Variants in TIAM2 observed in about 807,000 individuals in gnomAD.
The protein encoded by TIAM2 is rho guanine nucleotide exchange factor TIAM2.
TIAM2 carries 80 observed loss-of-function variants against 152.9 expected under a neutral mutation model. The observed-to-expected ratio is 0.52, with a 90% CI of 0.44 to 0.63. TIAM2 has a LOEUF of 0.63. Among genes scored for constraint, TIAM2 ranks in the 30% least tolerant of loss-of-function variants. The pLI is 0.00. For missense variants in TIAM2, 1,965 were observed against 2,120.1 expected (o/e 0.93, Z 1.44); for synonymous variants, 804 against 838.0 (o/e 0.96, Z 0.70).
At chr6:155,241,831 A>G (rs1409872014) in intron 16 of TIAM2, among the ~76,000 whole-genome samples, 1 of 152,214 alleles carries the variant, frequency 6.6e-6, no homozygotes, top group Non-Finnish European at 1.5e-5. Flanking sequence ...CCATCTCCAC[A>G]GTCACCTTTT....
intron 2 of TIAM2, among the ~76,000 whole-genome samples, chr6:155,121,290 A>G (rs1200936354): frequency 3.9e-5 from 6 of 152,218 alleles, no homozygotes; most frequent in Non-Finnish European, 8.8e-5. Flanking sequence ...ATCTGATATC[A>G]TAACATACAA....
At chr6:155,073,518 ATAT>A (rs1404115627) in intron 1 of TIAM2, among the ~76,000 whole-genome samples, 2 of 152,176 alleles carry the variant, frequency 1.3e-5, no homozygotes, top group Non-Finnish European at 2.9e-5. Flanking sequence ...GTCCTACTTT[ATAT>A]AATTGTGATA....
intron 16 of TIAM2, among the ~76,000 whole-genome samples, chr6:155,242,980 T>C (rs1583280015): frequency 6.6e-6 from 1 of 151,536 alleles, no homozygotes; most frequent in Admixed American, 6.6e-5. Context: ...TGACCTCAGG[T>C]GATCCACCCG....
intron 1 of TIAM2, among the ~76,000 whole-genome samples, chr6:155,049,243 T>C (rs1777269990): frequency 6.6e-6 from 1 of 152,074 alleles, no homozygotes; most frequent in African/African-American, 2.4e-5. Context: ...ACTCTTGCCA[T>C]GGATGCGGAG....
intron 14 of TIAM2, among the ~76,000 whole-genome samples, chr6:155,193,969 G>C (rs1428610553): frequency 6.6e-6 from 1 of 152,180 alleles, no homozygotes. Flanking sequence ...TTTTCAACTT[G>C]TGGACTCCCT....
intron 1 of TIAM2, among the ~76,000 whole-genome samples, chr6:155,034,194 T>C (rs781777514): frequency 6.6e-5 from 10 of 152,166 alleles, no homozygotes; most frequent in Admixed American, 2.0e-4. Context: ...ACATGCCAGT[T>C]TCTGCCCAGT....
intron 1 of TIAM2, among the ~76,000 whole-genome samples, chr6:155,028,899 C>A (rs183436454): frequency 0.069 from 5,134 of 74,522 alleles, 431 homozygotes; most frequent in Middle Eastern, 0.1. Flanking sequence ...ACTGTATATA[C>A]TATCTATACT....
intron 15 of TIAM2, among the ~76,000 whole-genome samples, chr6:155,215,174 A>G (rs1241869123): frequency 6.6e-6 from 1 of 152,194 alleles, no homozygotes; most frequent in Non-Finnish European, 1.5e-5. Context: ...CTTAAGATTC[A>G]GCAAAATAGA....
At chr6:155,235,057 A>C (rs890364314) in intron 15 of TIAM2, among the ~76,000 whole-genome samples, 2 of 152,074 alleles carry the variant, frequency 1.3e-5, no homozygotes, top group African/African-American at 4.8e-5. Flanking sequence ...AGAGCTAGAG[A>C]TGGAGCAGAG....
At chr6:155,192,016 G>A (rs931529280) in intron 14 of TIAM2, among the ~76,000 whole-genome samples, 2 of 152,146 alleles carry the variant, frequency 1.3e-5, no homozygotes, top group Admixed American at 1.3e-4. Context: ...TTGAGATGGG[G>A]GATGGATTTT....
chr6:155,161,568 C>CT lies in TIAM2; in HGVS notation c.2029-2832dup, dbSNP rs575970529. ...AGACCTGAATTTTATTTTATTTTGT[C>CT]TTTTTTTTTTTTTTTCTGAGATGGA... On this transcript the variant is annotated intron_variant, in intron 7 of 26. Transcript: ENST00000682666. Among the ~76,000 whole-genome samples the CT allele has an allele frequency of 5.1e-3, 699 of 137,468 alleles. 5 individuals carry two copies. The highest frequency in any genetic ancestry group is 6.8e-3 in the Non-Finnish European group (427 of 62,852). 90.2% of individuals were successfully genotyped at this position (137,468 alleles called of 152,430 possible).
intron 12 of TIAM2, 98 bp downstream of exon 12, chr6:155,179,554 C>A: frequency 9.2e-7 from 1 of 1,087,194 alleles, no homozygotes; most frequent in Non-Finnish European, 1.3e-6. Flanking sequence ...CTTACATTCA[C>A]ATTTTCAGAA....
At chr6:155,180,817 C>A (rs1381036512) in intron 12 of TIAM2, among the ~76,000 whole-genome samples, 1 of 152,100 alleles carries the variant, frequency 6.6e-6, no homozygotes, top group Non-Finnish European at 1.5e-5. Flanking sequence ...CCATGTTGGC[C>A]AGGCTGCTCT....
intron 1 of TIAM2, among the ~76,000 whole-genome samples, chr6:155,047,720 AGAGAGC>A (rs1562300255): frequency 0.014 from 1,770 of 130,724 alleles, 150 homozygotes; most frequent in Admixed American, 0.068. Flanking sequence ...AGAGAGAGAG[AGAGAGC>A]GAGAGAGAGA....
At chr6:155,149,257 G>T (rs78342561) in intron 7 of TIAM2, 7,516 of 167,240 alleles carry the variant, frequency 0.045, 199 homozygotes, top group South Asian at 0.062. Context: ...CTGTGTGTGA[G>T]CTGGGAAAAG....
At chr6:155,254,608 AAAT>A (rs1490112035) in intron 26 of TIAM2, 35 bp downstream of exon 26, 1 of 1,601,072 alleles carries the variant, frequency 6.2e-7, no homozygotes, top group South Asian at 1.1e-5. Flanking sequence ...TTATTCAACA[AAAT>A]ATTATGAGCT....
At chr6:155,211,407 T>G in intron 15 of TIAM2, 100 bp downstream of exon 15, 1 of 847,036 alleles carries the variant, frequency 1.2e-6, no homozygotes, top group Non-Finnish European at 1.9e-6. Flanking sequence ...TACCTATCTC[T>G]AGGTCCAGCA....
At chr6:155,038,835 G>A (rs1445865585) in intron 1 of TIAM2, among the ~76,000 whole-genome samples, 1 of 151,712 alleles carries the variant, frequency 6.6e-6, no homozygotes, top group African/African-American at 2.4e-5. Context: ...AGGAGTCTGA[G>A]TTGAGAGGAT....
chr6:155,205,182 TAAAAAAAAAAAAAAAAAAAA>T lies in TIAM2; in HGVS notation c.3065-6003_3065-5984del, dbSNP rs61272546. Among the ~76,000 whole-genome samples, 61 of 40,546 alleles carry T rather than the reference TAAAAAAAAAAAAAAAAAAAA, an allele frequency of 1.5e-3. 1 individual carries two copies. The highest frequency in any genetic ancestry group is 5.1e-3 in the African/African-American group (47 of 9,276). The allele number at this position is 40,546 out of a possible 152,430, so 26.6% of individuals were successfully genotyped here. On this transcript the variant is annotated intron_variant, in intron 14 of 26. Transcript: ENST00000682666. ...TATAGCAACTACCATTATTAATTTC[TAAAAAAAAAAAAAAAAAAAA>T]AAAAAAAAAAAAAAAAAAGTCATCT...
Sources: gnomAD v4.1 joint callset for allele counts (sites outside exome capture counted in the v4.1 genomes callset) on GRCh38, gnomAD v4.1.1 for gene constraint, MANE v1.5 for transcripts, NCBI Gene and HGNC (gene_info 2026-07-23, HGNC 2026-07-21) for gene names.